The following PKHD1 variants were observed in gnomAD, a reference collection of about 807,000 sequenced individuals.
PKHD1 encodes PKHD1 ciliary IPT domain containing fibrocystin/polyductin.
A neutral mutation model predicts 412.0 loss-of-function variants in PKHD1; 291 were observed. That is an observed-to-expected ratio of 0.71 (90% CI 0.64 to 0.78). The LOEUF (loss-of-function observed/expected upper bound fraction) is 0.78, where lower values mean the gene tolerates loss of function less well. PKHD1 is among the 30% of genes least tolerant of loss of function. The pLI, the probability that PKHD1 is intolerant of heterozygous loss-of-function variation, is 0.00. For synonymous variants in PKHD1, 1,777 were observed against 1,821.5 expected (o/e 0.98, Z 0.62); for missense variants, 4,825 against 4,950.7 (o/e 0.97, Z 0.76).
intron 43 of PKHD1, among the ~76,000 whole-genome samples, chr6:51,894,180 AG>A (rs1779537445): frequency 6.6e-6 from 1 of 152,236 alleles, no homozygotes; most frequent in African/African-American, 2.4e-5. Context: ...GAGGGAAGAC[AG>A]CCTGAGGGTG....
rs149486694 is a variant in PKHD1 at position 51,659,657 on chromosome 6, C to A, written c.10469G>T (p.Ser3490Ile). The change falls in exon 61 of 67, where the codon AGT becomes ATT. Residue 3490 changes from serine to isoleucine, a missense_variant. Ser to Ile is a moderately radical substitution (Grantham distance 142). Coordinates refer to ENST00000371117, the MANE Select transcript of PKHD1 (RefSeq NM_138694.4). ...TACAGCCAAGAGAAGCTTGGAGGTA[C>A]TTTTGTTCCCCAATAGAAAAAAGCG... ...VLRFFLLGNKSTSKLLLAVFY... is the reference protein window; with the variant it reads ...VLRFFLLGNKITSKLLLAVFY... The A allele has an allele frequency of 5.0e-6, 8 of 1,613,644 alleles. No individual in the cohort carries two copies. Among genetic ancestry groups the A allele is most frequent in the South Asian group, 1.1e-5 (1 of 91,088 alleles).
chr6:51,724,847 T>C lies in PKHD1; in HGVS notation c.10156+19538A>G, dbSNP rs559149596. Among the ~76,000 whole-genome samples the C allele has an allele frequency of 1.3e-5, 2 of 152,212 alleles. 1 individual carries two copies. The highest frequency in any genetic ancestry group is 3.9e-4 in the East Asian group (2 of 5,182). On this transcript the variant is annotated intron_variant, in intron 60 of 66. Coordinates refer to ENST00000371117, the MANE Select transcript of PKHD1 (RefSeq NM_138694.4). ...TTGACTACAGTAAACGAGAAGGCAATACAATCACAGAGACAGAAATTAAAG... is the reference window on the plus strand; with the variant it reads ...TTGACTACAGTAAACGAGAAGGCAACACAATCACAGAGACAGAAATTAAAG...
Position 51,747,031 on chromosome 6 carries a change from T to C in PKHD1, c.9830-142A>G, listed in dbSNP as rs1281706198. ...TCCAGGATAGCCTTAGGAGTTTACA[T>C]ACATCTTGATATAAAATATCAGTAG... On this transcript the variant is annotated intron_variant, in intron 58 of 66. Transcript: ENST00000371117. 8.3e-6 allele frequency: 5 copies of C among 600,704 alleles called. No individual in the cohort carries two copies. In the East Asian group the frequency reaches 1.1e-4, roughly 13 times the overall value. The allele number at this position is 600,704 out of a possible 1,614,324, so 37.2% of individuals were successfully genotyped here. A position where few individuals can be genotyped will look rare whatever the true frequency, so the allele number is the denominator to read the frequency against.
chr6:51,695,117 AAG>A (rs1778641819), intron 60 of PKHD1, among the ~76,000 whole-genome samples: 2 of 152,332 alleles, frequency 1.3e-5, no homozygotes, highest in South Asian at 4.1e-4. Context: ...ATGGACTTAA[AAG>A]TATTTAATAA....
At position 51,618,774 on chromosome 6, in the gene PKHD1, T is replaced by C. The variant is rs1581700241; in HGVS notation, c.*307A>G. On this transcript the variant is annotated 3_prime_UTR_variant, in exon 67 of 67. Transcript: ENST00000371117. ...TAATAATAACCCCTGCTGGTATAAG[T>C]CAGTATTACACCATTATCAAGTTGT... 2 of 409,046 alleles carry C rather than the reference T, an allele frequency of 4.9e-6. No homozygotes were observed. Among genetic ancestry groups the C allele is most frequent in the East Asian group, 1.1e-4 (2 of 17,470 alleles). The allele number at this position is 409,046 out of a possible 1,614,324, so 25.3% of individuals were successfully genotyped here.
Position 52,048,602 on chromosome 6 carries a change from C to T in PKHD1, c.2297G>A (p.Gly766Glu), listed in dbSNP as rs757772524. ...LITARSVPTEGTEEGSGLVLV... is the reference protein window; with the variant it reads ...LITARSVPTEETEEGSGLVLV... ...GACCAGTCCAGATCCCTCTTCTGTTCCTTCAGTGGGCACAGAGCTGTGGCA... is the reference window on the plus strand; with the variant it reads ...GACCAGTCCAGATCCCTCTTCTGTTTCTTCAGTGGGCACAGAGCTGTGGCA... The change falls in exon 23 of 67, where the codon GGA becomes GAA. Residue 766 changes from glycine (G) to glutamate (E), a missense_variant. Coordinates refer to ENST00000371117, the MANE Select transcript of PKHD1 (RefSeq NM_138694.4). 7 of 1,614,036 alleles carry T rather than the reference C, an allele frequency of 4.3e-6. No individual in the cohort carries two copies. The highest frequency in any genetic ancestry group is 5.9e-6 in the Non-Finnish European group (7 of 1,179,934).
chr6:51,846,743 T>C (rs2151620516), intron 50 of PKHD1, among the ~76,000 whole-genome samples: 1 of 152,232 alleles, frequency 6.6e-6, no homozygotes, highest in African/African-American at 2.4e-5. Context: ...CTCATGTTAA[T>C]CTTGACGTAA....
chr6:51,885,162 G>T (rs982435355), intron 45 of PKHD1, among the ~76,000 whole-genome samples: 1 of 152,096 alleles, frequency 6.6e-6, no homozygotes, highest in African/African-American at 2.4e-5. Flanking sequence ...TGTCTGTATT[G>T]CATCAAATAG....
chr6:51,957,499 A>G (rs1266922), intron 36 of PKHD1, among the ~76,000 whole-genome samples: 51,053 of 151,976 alleles, frequency 0.34, 9,360 homozygotes, highest in African/African-American at 0.47. Context: ...TGGGAACAAA[A>G]TAAGAGGCAA....
intron 63 of PKHD1, among the ~76,000 whole-genome samples, chr6:51,640,014 A>G (rs1266556266): frequency 6.6e-6 from 1 of 152,206 alleles, no homozygotes; most frequent in East Asian, 1.9e-4. Flanking sequence ...AATAAATAAA[A>G]TGCCCAGTAA....
intron 43 of PKHD1, among the ~76,000 whole-genome samples, chr6:51,899,305 A>C (rs376641809): frequency 4.0e-5 from 6 of 151,690 alleles, no homozygotes; most frequent in Non-Finnish European, 8.8e-5. Context: ...GCACATCAAA[A>C]AGCTTATCCA....
rs533623441 is a variant in PKHD1, at chr6:51,659,256, T to C, written c.10870A>G (p.Thr3624Ala). 5.6e-6 allele frequency: 9 copies of C among 1,613,880 alleles called. No homozygotes were observed. The African/African-American group carries it at 8.0e-5, about 14-fold the overall frequency. ...SRAKRKRNCPTVTCTSHYRRV... is the reference protein window; with the variant it reads ...SRAKRKRNCPAVTCTSHYRRV... Reference sequence around the variant, plus strand: ...CTATAATGACTAGTGCAAGTCACAGTAGGGCAATTGCGCTTTCTTTTTGCT... The same window carrying C: ...CTATAATGACTAGTGCAAGTCACAGCAGGGCAATTGCGCTTTCTTTTTGCT... Residue 3624 changes from threonine (T) to alanine (A), a missense_variant, in exon 61 of 67, where the codon ACT (threonine) becomes GCT (alanine). Thr to Ala is a moderately conservative substitution (Grantham distance 58). Transcript: ENST00000371117.
chr6:52,018,003 G>A (rs1396932129), intron 33 of PKHD1, among the ~76,000 whole-genome samples: 1 of 152,130 alleles, frequency 6.6e-6, no homozygotes, highest in African/African-American at 2.4e-5. Flanking sequence ...CTAAACAAGA[G>A]ATTGAGTTTT....
chr6:51,918,774 T>C (rs1488981023), intron 37 of PKHD1, among the ~76,000 whole-genome samples: 3 of 151,548 alleles, frequency 2.0e-5, no homozygotes, highest in Non-Finnish European at 3.0e-5. Flanking sequence ...CACCACACTA[T>C]CTTCCAGTGT....
intron 35 of PKHD1, among the ~76,000 whole-genome samples, chr6:51,982,812 A>T (rs1267780502): frequency 1.5e-4 from 21 of 139,068 alleles, no homozygotes; most frequent in African/African-American, 4.7e-4. Flanking sequence ...TCAATAAAAA[A>T]AAAAATAATA....
intron 27 of PKHD1, among the ~76,000 whole-genome samples, chr6:52,041,574 T>A (rs1166640968): frequency 6.6e-6 from 1 of 152,188 alleles, no homozygotes; most frequent in African/African-American, 2.4e-5. Context: ...AAGCAGCAGC[T>A]AGAGCCTCTC....
intron 66 of PKHD1, chr6:51,622,930 T>C (rs1018332218): frequency 7.9e-5 from 12 of 152,178 alleles, no homozygotes; most frequent in Non-Finnish European, 1.3e-4. Context: ...CATTCCTGTA[T>C]CTATTACCTA....
intron 54 of PKHD1, among the ~76,000 whole-genome samples, chr6:51,774,333 G>A (rs1446900598): frequency 3.9e-5 from 6 of 151,946 alleles, no homozygotes; most frequent in Admixed American, 3.3e-4. Flanking sequence ...TTTCAATTTA[G>A]TATCAAAGAA....
chr6:52,007,748 A>C (rs929190158), intron 35 of PKHD1, among the ~76,000 whole-genome samples: 1 of 152,174 alleles, frequency 6.6e-6, no homozygotes, highest in African/African-American at 2.4e-5. Context: ...CCCTAACAAG[A>C]GTAGAATCTA....
Sources: gnomAD v4.1 joint callset for allele counts (sites outside exome capture counted in the v4.1 genomes callset) on GRCh38, gnomAD v4.1.1 for gene constraint, MANE v1.5 for transcripts, NCBI Gene and HGNC (gene_info 2026-07-23, HGNC 2026-07-21) for gene names.